The following RIT1 variants were observed in gnomAD, a reference collection of about 807,000 sequenced individuals.
The protein encoded by RIT1 is GTP-binding protein Rit1.
A neutral mutation model predicts 25.6 loss-of-function variants in RIT1; 6 were observed. The ratio of observed to expected loss-of-function variants is 0.23; its 90% CI spans 0.13 to 0.46. The LOEUF is 0.46. RIT1 is among the 20% of genes least tolerant of loss of function. The pLI is 0.99. For synonymous variants in RIT1, 81 were observed against 94.1 expected, an observed-to-expected ratio of 0.86 and a Z score of 0.80; for missense variants, 219 against 284.4, an observed-to-expected ratio of 0.77 and a Z score of 1.65.
At chr1:155,903,452 C>CAAAAAAAAAAAAAA (rs1192641376) in intron 5 of RIT1, among the ~76,000 whole-genome samples, 16 of 53,642 alleles carry the variant, frequency 3.0e-4, no homozygotes, top group Middle Eastern at 0.015. Context: ...GACTCTGTCT[C>CAAAAAAAAAAAAAA]AAAAAAAAAA....
chr1:155,909,654 G>C (rs1673540579), intron 3 of RIT1, among the ~76,000 whole-genome samples: 1 of 152,144 alleles, frequency 6.6e-6, no homozygotes, highest in East Asian at 1.9e-4. Context: ...AGGCACAGTG[G>C]CTCACGCCTG....
At chr1:155,905,963 G>A (rs1038287692) in intron 3 of RIT1, among the ~76,000 whole-genome samples, 1 of 152,036 alleles carries the variant, frequency 6.6e-6, no homozygotes, top group Admixed American at 6.6e-5. Flanking sequence ...GAGTAGCTGG[G>A]ATTACAGGCA....
At chr1:155,903,026 G>A (rs533522602) in intron 5 of RIT1, among the ~76,000 whole-genome samples, 9 of 151,994 alleles carry the variant, frequency 5.9e-5, no homozygotes, top group Non-Finnish European at 8.8e-5. Context: ...GGCCGGGCGC[G>A]GTGGCTCATG....
chr1:155,901,346 A>T (rs983237511), intron 5 of RIT1, among the ~76,000 whole-genome samples: 1 of 152,114 alleles, frequency 6.6e-6, no homozygotes, highest in Admixed American at 6.5e-5. Context: ...CAAAATTTTT[A>T]AAAATTTAGC....
At chr1:155,904,847 G>A (rs537835500) in intron 3 of RIT1, 43 bp from the exon 4 acceptor site, 17 of 1,298,456 alleles carry the variant, frequency 1.3e-5, no homozygotes, top group South Asian at 3.5e-5. Flanking sequence ...CATAAATGCC[G>A]GAAGAAATGC....
chr1:155,907,807 T>C (rs1195237912), intron 3 of RIT1, among the ~76,000 whole-genome samples: 4 of 152,212 alleles, frequency 2.6e-5, no homozygotes, highest in Admixed American at 1.3e-4. Context: ...AACAGATAAC[T>C]TGGCCGGATG....
intron 1 of RIT1, 77 bp downstream of exon 1, chr1:155,911,166 G>A (rs1572000135): frequency 2.0e-6 from 1 of 505,150 alleles, no homozygotes; most frequent in Non-Finnish European, 3.5e-6. Flanking sequence ...CAGAGGTTCC[G>A]CCCCCTCCCC....
At chr1:155,907,908 G>C (rs1205472310) in intron 3 of RIT1, among the ~76,000 whole-genome samples, 2 of 151,340 alleles carry the variant, frequency 1.3e-5, no homozygotes, top group African/African-American at 2.4e-5. Context: ...GGCTAACACG[G>C]TGAAACCCCG....
chr1:155,901,114 C>G (rs1673303997), intron 5 of RIT1, among the ~76,000 whole-genome samples: 1 of 152,160 alleles, frequency 6.6e-6, no homozygotes, highest in Non-Finnish European at 1.5e-5. Flanking sequence ...TGTGCCCGGT[C>G]TCTAGTCTAT....
rs59899087 is a variant in RIT1, at chr1:155,906,762, CA to C, written c.164-1959del. Among the ~76,000 whole-genome samples the C allele has an allele frequency of 6.4e-4, 16 of 24,928 alleles. 1 individual carries two copies. Among genetic ancestry groups the C allele is most frequent in the Admixed American group, 1.1e-3 (2 of 1,770 alleles). The allele number at this position is 24,928 out of a possible 152,430, so 16.4% of individuals were successfully genotyped here. A position where few individuals can be genotyped will look rare whatever the true frequency, so the allele number is the denominator to read the frequency against. ...GCAACAGGAGTGAAATTCTCCGTCT[CA>C]AAAAAAAAAAAAAAAAAAAAAGAAA... On this transcript the variant is annotated intron_variant, in intron 3 of 5. Coordinates refer to ENST00000368323, the MANE Select transcript of RIT1 (RefSeq NM_006912.6).
intron 3 of RIT1, 186 bp downstream of exon 3, chr1:155,910,264 T>TA: frequency 1.7e-6 from 1 of 592,998 alleles, no homozygotes; most frequent in Non-Finnish European, 3.0e-6. Flanking sequence ...AAAGATGGCT[T>TA]ATGACATAAA....
intron 3 of RIT1, among the ~76,000 whole-genome samples, chr1:155,906,762 CAAA>C (rs59899087): frequency 8.0e-5 from 2 of 24,914 alleles, no homozygotes; most frequent in East Asian, 1.3e-3. Flanking sequence ...TTCTCCGTCT[CAAA>C]AAAAAAAAAA....
At chr1:155,903,252 T>C (rs1228262720) in intron 5 of RIT1, among the ~76,000 whole-genome samples, 1 of 150,102 alleles carries the variant, frequency 6.7e-6, no homozygotes, top group Non-Finnish European at 1.5e-5. Flanking sequence ...GCAGAGATCG[T>C]GCCACTGCAC....
At chr1:155,907,503 C>T (rs144611612) in intron 3 of RIT1, among the ~76,000 whole-genome samples, 62 of 152,214 alleles carry the variant, frequency 4.1e-4, no homozygotes, top group African/African-American at 1.4e-3. Flanking sequence ...TAAAGTGCTT[C>T]GATTACAGGA....
Position 155,900,505 on chromosome 1 carries a change from C to T in RIT1, c.543G>A (p.Glu181=). 1.9e-6 allele frequency: 3 copies of T among 1,614,144 alleles called. No homozygotes were observed. Among genetic ancestry groups the T allele is most frequent in the Non-Finnish European group, 8.5e-7 (1 of 1,179,998 alleles). ...CTGCCTCCTTTTCTTTCCTACGTAT[C>T]TCCCGTACAAGGGCATGGAAAACAT... ...IDDVFHALVR[E]IRRKEKEAVL... is the part of the protein sequence containing the mutation. The change falls in exon 6 of 6, where the codon GAG becomes GAA. Residue 181 remains glutamate (E), a synonymous_variant. Transcript: ENST00000368323.
At chr1:155,911,039 AAAAT>A (rs1673587579) in intron 1 of RIT1, 200 bp downstream of exon 1, 2 of 925,976 alleles carry the variant, frequency 2.2e-6, no homozygotes, top group Admixed American at 2.6e-5. Context: ...TCCAAAGAGA[AAAAT>A]AAAAAGATAC....
intron 3 of RIT1, among the ~76,000 whole-genome samples, chr1:155,905,892 A>G (rs748740228): frequency 1.3e-5 from 2 of 151,600 alleles, no homozygotes; most frequent in Non-Finnish European, 2.9e-5. Flanking sequence ...CAGTGGCATG[A>G]TCTCGGCTCA....
chr1:155,907,240 CTTTT>C (rs773275927), intron 3 of RIT1, among the ~76,000 whole-genome samples: 4 of 139,062 alleles, frequency 2.9e-5, no homozygotes, highest in Admixed American at 7.2e-5. Context: ...CATTCATATG[CTTTT>C]TTTTTTTTTT....
intron 5 of RIT1, among the ~76,000 whole-genome samples, chr1:155,901,228 G>C (rs1296110357): frequency 1.3e-5 from 2 of 152,168 alleles, no homozygotes; most frequent in African/African-American, 4.8e-5. Flanking sequence ...GGCTGGGCTT[G>C]GTGGCTCACA....
Sources: allele counts gnomAD v4.1 joint callset (sites outside exome capture counted in the v4.1 genomes callset), GRCh38; gene constraint gnomAD v4.1.1; transcripts MANE v1.5; gene names NCBI Gene and HGNC (gene_info 2026-07-23, HGNC 2026-07-21).